SLC18A1: variants seen among roughly 807,000 people sequenced by gnomAD.
SLC18A1 encodes the protein solute carrier family 18 member A1.
A neutral mutation model predicts 53.7 loss-of-function variants in SLC18A1; 69 were observed. That is an observed-to-expected ratio of 1.28 (90% CI 1.06 to 1.57). The LOEUF (loss-of-function observed/expected upper bound fraction) is 1.57. Ranked by LOEUF, SLC18A1 falls within the 40% of genes most tolerant of loss-of-function variation. The pLI is 0.00. For synonymous variants in SLC18A1, 320 were observed against 248.1 expected, an observed-to-expected ratio of 1.29 and a Z score of -2.72; for missense variants, 932 against 668.1, an observed-to-expected ratio of 1.40 and a Z score of -4.35.
intron 10 of SLC18A1, among the ~76,000 whole-genome samples, chr8:20,155,261 T>A (rs2071654207): frequency 6.6e-6 from 1 of 152,182 alleles, no homozygotes. Context: ...GTGAGTAATA[T>A]TGGATCACTT....
intron 7 of SLC18A1, 78 bp downstream of exon 7, chr8:20,171,327 G>A: frequency 7.3e-7 from 1 of 1,368,518 alleles, no homozygotes; most frequent in Non-Finnish European, 1.0e-6. Context: ...CATTCTTAGT[G>A]AAGACTGACA....
chr8:20,178,584 G>T, intron 3 of SLC18A1, 91 bp from the exon 4 acceptor site: 1 of 940,048 alleles, frequency 1.1e-6, no homozygotes, highest in Non-Finnish European at 1.6e-6. Context: ...GAGCAGAAAT[G>T]CAGCTATTTG....
chr8:20,147,565 G>A (rs775380544), intron 14 of SLC18A1, 38 bp downstream of exon 14: 1 of 1,612,620 alleles, frequency 6.2e-7, no homozygotes, highest in South Asian at 1.1e-5. Flanking sequence ...GTAAAGAGTA[G>A]ACAGGGGAAA....
intron 10 of SLC18A1, among the ~76,000 whole-genome samples, chr8:20,154,497 A>G (rs2071634693): frequency 6.6e-6 from 1 of 152,194 alleles, no homozygotes; most frequent in Non-Finnish European, 1.5e-5. Flanking sequence ...GAGATCTTTG[A>G]AGGAGAATAG....
At position 20,145,707 on chromosome 8, in the gene SLC18A1, C is replaced by T; in HGVS notation, c.*56G>A. 8.6e-7 allele frequency: 1 copy of T among 1,161,174 alleles called. No homozygotes were observed. Among genetic ancestry groups the T allele is most frequent in the Non-Finnish European group, 1.3e-6 (1 of 793,014 alleles). The allele number at this position is 1,161,174 out of a possible 1,614,324, so 71.9% of individuals were successfully genotyped here. ...GTGGGCTCAGCCATGGTGATCTGGTCCCAGGGAAAGAGGTGGTCACTGAGG... is the reference window on the plus strand; with the variant it reads ...GTGGGCTCAGCCATGGTGATCTGGTTCCAGGGAAAGAGGTGGTCACTGAGG... On this transcript the variant is annotated 3_prime_UTR_variant, in exon 16 of 16. Transcript: ENST00000276373.
intron 10 of SLC18A1, among the ~76,000 whole-genome samples, chr8:20,157,473 C>T (rs2071711885): frequency 6.6e-6 from 1 of 152,096 alleles, no homozygotes; most frequent in Non-Finnish European, 1.5e-5. Flanking sequence ...CAGACATTTG[C>T]TAACTTGCGT....
At chr8:20,150,308 G>C (rs1240240020) in intron 11 of SLC18A1, among the ~76,000 whole-genome samples, 1 of 152,152 alleles carries the variant, frequency 6.6e-6, no homozygotes, top group Non-Finnish European at 1.5e-5. Context: ...AACTCCTTAG[G>C]ATTCCACAGA....
intron 10 of SLC18A1, among the ~76,000 whole-genome samples, 192 bp downstream of exon 10, chr8:20,164,677 T>A (rs556036670): frequency 6.6e-5 from 10 of 152,144 alleles, no homozygotes; most frequent in Non-Finnish European, 1.3e-4. Flanking sequence ...CCTTTCATCC[T>A]CTCTCACCCT....
chr8:20,167,790 T>G (rs2072007079), intron 8 of SLC18A1, among the ~76,000 whole-genome samples: 1 of 151,826 alleles, frequency 6.6e-6, no homozygotes, highest in Admixed American at 6.6e-5. Flanking sequence ...CTGGCTCATT[T>G]TTTTGTATTT....
At chr8:20,176,539 T>A (rs571927659) in intron 4 of SLC18A1, among the ~76,000 whole-genome samples, 5 of 152,324 alleles carry the variant, frequency 3.3e-5, no homozygotes, top group African/African-American at 1.2e-4. Context: ...GCAATTATTT[T>A]TTTCACTTTG....
intron 1 of SLC18A1, among the ~76,000 whole-genome samples, chr8:20,182,548 T>C (rs545238461): frequency 7.2e-5 from 11 of 152,240 alleles, no homozygotes; most frequent in Non-Finnish European, 1.6e-4. Flanking sequence ...TTCTAAATAT[T>C]CAATAATGAG....
At chr8:20,171,600 C>A in intron 6 of SLC18A1, 106 bp from the exon 7 acceptor site, 1 of 826,662 alleles carries the variant, frequency 1.2e-6, no homozygotes, top group Non-Finnish European at 2.0e-6. Flanking sequence ...CTGCTAGGGG[C>A]TAAGCTCCAC....
intron 10 of SLC18A1, among the ~76,000 whole-genome samples, chr8:20,156,040 G>A (rs1304691070): frequency 6.6e-6 from 1 of 152,210 alleles, no homozygotes; most frequent in Non-Finnish European, 1.5e-5. Context: ...TCCTTGGCGA[G>A]GGCCTTAGAA....
intron 8 of SLC18A1, among the ~76,000 whole-genome samples, chr8:20,167,409 G>A (rs1283024113): frequency 6.6e-6 from 1 of 152,008 alleles, no homozygotes; most frequent in Non-Finnish European, 1.5e-5. Flanking sequence ...TCACCTATTT[G>A]TATAATAGGG....
chr8:20,168,654 C>T (rs531286348), intron 8 of SLC18A1, among the ~76,000 whole-genome samples: 4 of 152,112 alleles, frequency 2.6e-5, no homozygotes, highest in South Asian at 4.2e-4. Context: ...CTGCAACCTC[C>T]GCCTCCTAGG....
chr8:20,161,699 C>G (rs1186828800), intron 10 of SLC18A1, among the ~76,000 whole-genome samples: 1 of 152,172 alleles, frequency 6.6e-6, no homozygotes, highest in Non-Finnish European at 1.5e-5. Context: ...GGTAACAGGT[C>G]CCACGAAAGT....
In SLC18A1 at chr8:20,145,824, T is replaced by G; in HGVS notation, c.1517A>C (p.Lys506Thr). The G allele has an allele frequency of 6.2e-7, 1 of 1,612,410 alleles. No individual in the cohort carries two copies. The highest frequency in any genetic ancestry group is 8.5e-7 in the Non-Finnish European group (1 of 1,179,270). Reference protein sequence around the residue: ...PMETRMYATQKPTKEFPLGED... With the variant: ...PMETRMYATQTPTKEFPLGED... The stretch of plus-strand genomic sequence containing the variant: ...CCCCAGAGGAAATTCCTTCGTGGGC[T>G]TCTGGGTTGCATACATCCGGGTCTC... The change falls in exon 16 of 16, where the codon AAG (lysine) becomes ACG (threonine). Residue 506 changes from lysine to threonine, a missense_variant. Physicochemically the swap from Lys to Thr is moderately conservative, Grantham distance 78. Coordinates refer to ENST00000276373, the MANE Select transcript of SLC18A1 (RefSeq NM_003053.4).
At chr8:20,161,560 C>T (rs766951614) in intron 10 of SLC18A1, among the ~76,000 whole-genome samples, 8 of 152,020 alleles carry the variant, frequency 5.3e-5, no homozygotes, top group Non-Finnish European at 2.9e-5. Flanking sequence ...GTTTGGTATC[C>T]GTGAGGAGTC....
intron 10 of SLC18A1, among the ~76,000 whole-genome samples, chr8:20,163,936 A>C (rs1248098019): frequency 6.6e-6 from 1 of 152,160 alleles, no homozygotes; most frequent in Non-Finnish European, 1.5e-5. Context: ...GAGTGGTCAG[A>C]GCCTTAGGGC....
Sources: gnomAD v4.1 joint callset for allele counts (sites outside exome capture counted in the v4.1 genomes callset) on GRCh38, gnomAD v4.1.1 for gene constraint, MANE v1.5 for transcripts, NCBI Gene and HGNC (gene_info 2026-07-23, HGNC 2026-07-21) for gene names.